ARID1B: variants seen among roughly 807,000 people sequenced by gnomAD.
ARID1B encodes the protein AT-rich interactive domain-containing protein 1B.
ARID1B carries 30 observed loss-of-function variants against 212.3 expected under a neutral mutation model. The ratio of observed to expected loss-of-function variants is 0.14; its 90% confidence interval spans 0.11 to 0.19. The LOEUF (loss-of-function observed/expected upper bound fraction) is 0.19. Ranked by LOEUF, ARID1B falls within the 10% of genes least tolerant of loss-of-function variation. The probability of loss-of-function intolerance (pLI) is 1.00; values close to 1 mark genes in which losing one functional copy is unlikely to be tolerated. For synonymous variants in ARID1B, 1,402 were observed against 1,301.7 expected, an observed-to-expected ratio of 1.08 and a Z score of -1.66; for missense variants, 2,891 against 3,204.0, an observed-to-expected ratio of 0.90 and a Z score of 2.36.
chr6:156,934,915 TATATATATATA>T (rs1562494667), intron 3 of ARID1B, among the ~76,000 whole-genome samples: 7,252 of 38,898 alleles, frequency 0.19, 460 homozygotes, highest in South Asian at 0.25. Context: ...TTGTTAATTA[TATATATATATA>T]TATATATATA....
chr6:156,883,938 G>A (rs1282750918), intron 2 of ARID1B, among the ~76,000 whole-genome samples: 1 of 152,188 alleles, frequency 6.6e-6, no homozygotes, highest in Non-Finnish European at 1.5e-5. Flanking sequence ...CATTTCAGGA[G>A]CCAGAATCGC....
In ARID1B at chr6:156,778,768, T is replaced by C. The variant is rs2114985252; in HGVS notation, c.1088T>C (p.Met363Thr). 6.7e-7 allele frequency: 1 copy of C among 1,498,658 alleles called. No homozygotes were observed. Among genetic ancestry groups the C allele is most frequent in the Non-Finnish European group, 8.9e-7 (1 of 1,120,130 alleles). 92.8% of individuals were successfully genotyped at this position (1,498,658 alleles called of 1,614,324 possible). A position where few individuals can be genotyped will look rare whatever the true frequency, so the allele number is the denominator to read the frequency against. The change falls in exon 1 of 20, where the codon ATG (methionine) becomes ACG (threonine). Residue 363 changes from methionine to threonine, a missense_variant. Met to Thr is a moderately conservative substitution (Grantham distance 81). Transcript: ENST00000636930. ...SAAAAGAPGS[M>T]DPLQNSHEGY... The stretch of plus-strand genomic sequence containing the variant: ...GCCGCCGCCGGGGCCCCCGGCAGCA[T>C]GGACCCCCTGCAGAACTCCCACGAA...
chr6:157,152,306 G>A (rs1186120288), intron 8 of ARID1B: 2 of 152,172 alleles, frequency 1.3e-5, no homozygotes, highest in Non-Finnish European at 2.9e-5. Flanking sequence ...GCAGAAAATC[G>A]ATGTTAGCTA....
intron 2 of ARID1B, among the ~76,000 whole-genome samples, chr6:156,861,444 A>G (rs567008678): frequency 6.6e-6 from 1 of 152,004 alleles, no homozygotes; most frequent in Non-Finnish European, 1.5e-5. Flanking sequence ...CCCTGTCTCT[A>G]CAAAAAATAC....
chr6:156,817,911 C>A (rs975442436), intron 1 of ARID1B, among the ~76,000 whole-genome samples: 1 of 151,956 alleles, frequency 6.6e-6, no homozygotes, highest in Non-Finnish European at 1.5e-5. Context: ...TTCCTAGGAG[C>A]AAGCATATGC....
At chr6:156,987,189 GA>G (rs1777974955) in intron 4 of ARID1B, among the ~76,000 whole-genome samples, 1 of 150,644 alleles carries the variant, frequency 6.6e-6, no homozygotes, top group Non-Finnish European at 1.5e-5. Context: ...GAGAGAGAGA[GA>G]GAGAGAGACC....
Position 156,778,452 on chromosome 6 carries a change from G to A in ARID1B, c.772G>A (p.Gly258Ser). The change falls in exon 1 of 20, where the codon GGC becomes AGC. Residue 258 changes from glycine to serine, a missense_variant. Coordinates refer to ENST00000636930, the MANE Select transcript of ARID1B (RefSeq NM_001374828.1). ...SAAGGQADPP[G>S]PPLLSKPGDE... ...TGCGGGCGGCCAGGCCGACCCCCCGGGCCCGCCGCTGCTGAGCAAGCCGGG... is the reference window on the plus strand; with the variant it reads ...TGCGGGCGGCCAGGCCGACCCCCCGAGCCCGCCGCTGCTGAGCAAGCCGGG... 2.1e-6 allele frequency: 3 copies of A among 1,406,596 alleles called. No individual in the cohort carries two copies. Among genetic ancestry groups the A allele is most frequent in the Middle Eastern group, 2.3e-4 (1 of 4,288 alleles). 87.1% of individuals were successfully genotyped at this position (1,406,596 alleles called of 1,614,324 possible). A position where few individuals can be genotyped will look rare whatever the true frequency, so the allele number is the denominator to read the frequency against.
Position 156,932,419 on chromosome 6 carries a change from C to CTTTTAAAGAGTTACGACTTTTTACA in ARID1B, c.2137-3046_2137-3045insTTTAAAGAGTTACGACTTTTTACAT, listed in dbSNP as rs59793457. Among the ~76,000 whole-genome samples, 4 of 151,954 alleles carry CTTTTAAAGAGTTACGACTTTTTACA rather than the reference C, an allele frequency of 2.6e-5. No homozygotes were observed. The East Asian group carries it at 7.7e-4, about 29-fold the overall frequency. On this transcript the variant is annotated intron_variant, in intron 3 of 19. Coordinates refer to ENST00000636930, the MANE Select transcript of ARID1B (RefSeq NM_001374828.1). ...TGCAGTATTACCACAATATGGCATT[C>CTTTTAAAGAGTTACGACTTTTTACA]TATACAGCAGATAAATGTAATTATT... is the stretch of plus-strand genomic sequence containing the variant.
At chr6:157,139,476 G>A (rs1171845703) in intron 7 of ARID1B, among the ~76,000 whole-genome samples, 2 of 152,172 alleles carry the variant, frequency 1.3e-5, no homozygotes, top group East Asian at 3.9e-4. Context: ...TGTGGTTAGC[G>A]GCAGCCGATC....
At chr6:156,804,867 CAAAAAAAAAAAA>C (rs61315445) in intron 1 of ARID1B, among the ~76,000 whole-genome samples, 14 of 85,084 alleles carry the variant, frequency 1.6e-4, no homozygotes, top group Admixed American at 9.8e-4. Flanking sequence ...ATCTGATTGG[CAAAAAAAAAAAA>C]AAAAAAAAAA....
chr6:157,074,159 A>T (rs1322109623), intron 4 of ARID1B, among the ~76,000 whole-genome samples: 1 of 152,224 alleles, frequency 6.6e-6, no homozygotes, highest in African/African-American at 2.4e-5. Context: ...TTAGAGGATT[A>T]GAATAAGATG....
Position 156,974,383 on chromosome 6 carries a change from C to T in ARID1B, c.2247+38807C>T, listed in dbSNP as rs1777103550. 2.0e-5 allele frequency among the ~76,000 whole-genome samples: 3 copies of T among 152,146 alleles called. No individual in the cohort carries two copies. In the South Asian group the frequency reaches 6.2e-4, roughly 32 times the overall value. ...TTTTGCAGCAAACCAACATTTAAAACACATTGAATGATAAATAAGAAATAA... is the reference window on the plus strand; with the variant it reads ...TTTTGCAGCAAACCAACATTTAAAATACATTGAATGATAAATAAGAAATAA... On this transcript the variant is annotated intron_variant, in intron 4 of 19. Transcript: ENST00000636930.
chr6:156,906,102 G>A (rs547549639), intron 3 of ARID1B, among the ~76,000 whole-genome samples: 98 of 152,296 alleles, frequency 6.4e-4, no homozygotes, highest in African/African-American at 2.1e-3. Context: ...CTGTAGTAGG[G>A]TTGGGGTGTG....
At chr6:157,016,670 G>T (rs1035281953) in intron 4 of ARID1B, among the ~76,000 whole-genome samples, 1 of 152,212 alleles carries the variant, frequency 6.6e-6, no homozygotes, top group Non-Finnish European at 1.5e-5. Flanking sequence ...TGGCATTCTG[G>T]CCAGAGTGGG....
chr6:157,112,959 T>A (rs531933583), intron 6 of ARID1B, among the ~76,000 whole-genome samples: 1 of 151,914 alleles, frequency 6.6e-6, no homozygotes, highest in African/African-American at 2.4e-5. Flanking sequence ...TTCACTCTTG[T>A]TGCCCAGGCT....
At chr6:156,832,436 C>T (rs1783205098) in intron 2 of ARID1B, among the ~76,000 whole-genome samples, 1 of 152,212 alleles carries the variant, frequency 6.6e-6, no homozygotes, top group South Asian at 2.1e-4. Context: ...GAGTGGACAT[C>T]ACCACCTAGG....
At chr6:156,807,344 G>A (rs1315464445) in intron 1 of ARID1B, among the ~76,000 whole-genome samples, 1 of 151,924 alleles carries the variant, frequency 6.6e-6, no homozygotes, top group Non-Finnish European at 1.5e-5. Flanking sequence ...TCTCTGTTGT[G>A]TTTTGGTTTT....
intron 4 of ARID1B, among the ~76,000 whole-genome samples, chr6:156,980,709 G>A (rs1488002411): frequency 6.6e-6 from 1 of 152,110 alleles, no homozygotes; most frequent in Non-Finnish European, 1.5e-5. Flanking sequence ...TGGAGTGGAG[G>A]GACGGCCTTT....
chr6:156,980,432 G>A (rs1368447325), intron 4 of ARID1B, among the ~76,000 whole-genome samples: 3 of 152,100 alleles, frequency 2.0e-5, no homozygotes, highest in African/African-American at 4.8e-5. Flanking sequence ...GCAGTGAGCC[G>A]AGATCATGCC....
Sources: gnomAD v4.1 joint callset for allele counts (sites outside exome capture counted in the v4.1 genomes callset) on GRCh38, gnomAD v4.1.1 for gene constraint, MANE v1.5 for transcripts, NCBI Gene and HGNC (gene_info 2026-07-23, HGNC 2026-07-21) for gene names.